Variants in NAA25 observed in about 807,000 individuals in gnomAD.
NAA25 encodes the protein N-alpha-acetyltransferase 25, NatB auxiliary subunit, also known as N-terminal acetyltransferase B complex subunit NAA25.
A neutral mutation model predicts 132.5 loss-of-function variants in NAA25; 30 were observed. The ratio of observed to expected loss-of-function variants is 0.23; its 90% CI spans 0.17 to 0.31. The LOEUF (loss-of-function observed/expected upper bound fraction) is 0.31, where lower values mean the gene tolerates loss of function less well. Among genes scored for constraint, NAA25 ranks in the 10% least tolerant of loss-of-function variants. The pLI is 1.00. For synonymous variants in NAA25, 359 were observed against 401.9 expected (o/e 0.89, Z 1.28); for missense variants, 771 against 1,150.4 (o/e 0.67, Z 4.77).
chr12:112,041,948 G>T, intron 20 of NAA25, 91 bp downstream of exon 20: 1 of 708,624 alleles, frequency 1.4e-6, no homozygotes. Context: ...CTTATCTCTG[G>T]GTGATTGGGC....
intron 1 of NAA25, among the ~76,000 whole-genome samples, chr12:112,108,092 G>A (rs1489989247): frequency 1.3e-5 from 2 of 151,742 alleles, no homozygotes; most frequent in Non-Finnish European, 2.9e-5. Flanking sequence ...GCTATTTTAG[G>A]CCCAAGACCC....
Position 112,090,810 on chromosome 12 carries a change from G to A in NAA25, c.199C>T (p.Leu67Phe). Residue 67 changes from leucine (L) to phenylalanine (F), a missense_variant, in exon 3 of 24, where the codon CTT becomes TTT. Leu to Phe is a conservative substitution (Grantham distance 22). Around this residue, in one of 3 missense-constraint regions of NAA25, gnomAD observed 417 missense variants for 733.8 expected, o/e 0.57. Transcript: ENST00000261745. ...RTGKQEEAFT[L>F]AQEVAALEPT... is the part of the protein sequence containing the mutation. ...TCAAGGGCTGCCACCTCCTGTGCAA[G>A]AGTAAAGGCTTCCTCTTGCTTTCCA... The A allele has an allele frequency of 6.2e-7, 1 of 1,614,008 alleles. No individual in the cohort carries two copies. The highest frequency in any genetic ancestry group is 8.5e-7 in the Non-Finnish European group (1 of 1,179,916).
intron 1 of NAA25, among the ~76,000 whole-genome samples, chr12:112,100,336 G>C (rs2079274987): frequency 6.6e-6 from 1 of 151,936 alleles, no homozygotes; most frequent in African/African-American, 2.4e-5. Context: ...TAATTTTTTT[G>C]TATTTTAGTA....
Position 112,029,337 on chromosome 12 carries a change from C to G in NAA25, c.*194G>C. The G allele has an allele frequency of 2.5e-6, 2 of 815,720 alleles. No homozygotes were observed. Among genetic ancestry groups the G allele is most frequent in the Non-Finnish European group, 3.6e-6 (2 of 551,892 alleles). 50.5% of individuals were successfully genotyped at this position (815,720 alleles called of 1,614,324 possible). A position where few individuals can be genotyped will look rare whatever the true frequency, so the allele number is the denominator to read the frequency against. On this transcript the variant is annotated 3_prime_UTR_variant, in exon 24 of 24. Coordinates refer to ENST00000261745, the MANE Select transcript of NAA25 (RefSeq NM_024953.4). Reference sequence around the variant, plus strand: ...AGTGGTCAAACCCAGATGAGGGTCCCGCTTCTGGTTTATATACAATAATTT... The same window carrying G: ...AGTGGTCAAACCCAGATGAGGGTCCGGCTTCTGGTTTATATACAATAATTT...
At chr12:112,092,521 G>A (rs1405423146) in intron 2 of NAA25, among the ~76,000 whole-genome samples, 1 of 152,174 alleles carries the variant, frequency 6.6e-6, no homozygotes, top group East Asian at 1.9e-4. Context: ...CAACTACGCA[G>A]GAGGCTAAAG....
At chr12:112,071,830 TAATG>T in intron 10 of NAA25, 61 bp downstream of exon 10, 1 of 1,171,716 alleles carries the variant, frequency 8.5e-7, no homozygotes, top group East Asian at 2.7e-5. Context: ...AGATCTCAAC[TAATG>T]AATATAGCAC....
At chr12:112,070,641 G>A (rs1391735782) in intron 10 of NAA25, among the ~76,000 whole-genome samples, 4 of 151,926 alleles carry the variant, frequency 2.6e-5, no homozygotes, top group African/African-American at 7.3e-5. Flanking sequence ...GCGGTGGCGC[G>A]ATCTTGGCTA....
intron 9 of NAA25, 46 bp downstream of exon 9, chr12:112,074,629 C>T: frequency 3.5e-6 from 4 of 1,151,776 alleles, no homozygotes; most frequent in East Asian, 2.5e-5. Context: ...TTTCACTACA[C>T]TATATTAAAA....
At chr12:112,074,612 G>T in intron 9 of NAA25, 63 bp downstream of exon 9, 1 of 901,764 alleles carries the variant, frequency 1.1e-6, no homozygotes, top group Non-Finnish European at 1.7e-6. Context: ...GGCTTATAAT[G>T]AAATCCTTTC....
intron 9 of NAA25, among the ~76,000 whole-genome samples, chr12:112,074,006 G>A (rs986573697): frequency 5.3e-5 from 8 of 152,010 alleles, no homozygotes; most frequent in South Asian, 4.2e-4. Flanking sequence ...GTTGCAAATC[G>A]TGTCTAATAC....
chr12:112,047,688 A>G lies in NAA25; in HGVS notation c.1983T>C (p.Phe661=). ...DLRDNRDLNV[F]FSWDPKDRDV... ...ACCTGTCTTTTGGATCCCAGCTGAA[A>G]AAAACATTTAAGTCTCTGTTGTCTC... is the stretch of plus-strand genomic sequence containing the variant. The change falls in exon 17 of 24, where the codon TTT becomes TTC. Residue 661 remains phenylalanine, a synonymous_variant. Transcript: ENST00000261745. The G allele has an allele frequency of 6.2e-7, 1 of 1,613,514 alleles. No homozygotes were observed. Among genetic ancestry groups the G allele is most frequent in the Non-Finnish European group, 8.5e-7 (1 of 1,179,866 alleles).
chr12:112,033,393 T>TA lies in NAA25; in HGVS notation c.2650-15dup, dbSNP rs749986993. The TA allele has an allele frequency of 1.3e-6, 2 of 1,589,758 alleles. No homozygotes were observed. Among genetic ancestry groups the TA allele is most frequent in the Non-Finnish European group, 1.7e-6 (2 of 1,172,226 alleles). On this transcript the variant is annotated splice_polypyrimidine_tract_variant and intron_variant, in intron 22 of 23. Coordinates refer to ENST00000261745, the MANE Select transcript of NAA25 (RefSeq NM_024953.4). ...AAAGACAGGTGGCTGGGAAAAAGAT[T>TA]AAAAAAGAGTTGAAACATTATCAAA... is the stretch of plus-strand genomic sequence containing the variant.
chr12:112,063,103 G>T (rs1244126431), intron 11 of NAA25, among the ~76,000 whole-genome samples: 1 of 151,458 alleles, frequency 6.6e-6, no homozygotes, highest in African/African-American at 2.4e-5. Context: ...AATGAGAGAT[G>T]ACAGCAAATA....
chr12:112,072,637 A>T (rs1046267299), intron 9 of NAA25, among the ~76,000 whole-genome samples: 1 of 147,346 alleles, frequency 6.8e-6, no homozygotes, highest in Admixed American at 6.9e-5. Flanking sequence ...AGAAAAAAAA[A>T]TTGCCTAATA....
rs567775656 is a variant in NAA25 at position 112,035,961 on chromosome 12, T to C, written c.2650-2582A>G. 3.9e-5 allele frequency among the ~76,000 whole-genome samples: 6 copies of C among 152,292 alleles called. No homozygotes were observed. In the South Asian group the frequency reaches 1.0e-3, roughly 26 times the overall value. On this transcript the variant is annotated intron_variant, in intron 22 of 23. Coordinates refer to ENST00000261745, the MANE Select transcript of NAA25 (RefSeq NM_024953.4). ...TTGGCCTCCCCAAATGCTGGGATTA[T>C]AGGTGTGAACCGCAGCACCCAGCCA...
intron 1 of NAA25, among the ~76,000 whole-genome samples, chr12:112,102,284 G>A (rs2079306257): frequency 6.6e-6 from 1 of 152,046 alleles, no homozygotes; most frequent in Non-Finnish European, 1.5e-5. Context: ...GAGGCGGGAG[G>A]ATCACTTGAG....
Position 112,027,406 on chromosome 12 carries a change from TAA to T in NAA25, c.*2123_*2124del, listed in dbSNP as rs2078099752. 6.6e-6 allele frequency: 1 copy of T among 152,642 alleles called. No homozygotes were observed. Among genetic ancestry groups the T allele is most frequent in the Admixed American group, 6.5e-5 (1 of 15,280 alleles). The allele number at this position is 152,642 out of a possible 1,614,324, so 9.5% of individuals were successfully genotyped here. A position where few individuals can be genotyped will look rare whatever the true frequency, so the allele number is the denominator to read the frequency against. On this transcript the variant is annotated 3_prime_UTR_variant, in exon 24 of 24. Transcript: ENST00000261745. ...ATAAGAGATATTGGCCATTTCTGCA[TAA>T]TTTCATTCTTTTTACAATTATCTCA...
At chr12:112,042,953 T>C (rs1217453249) in intron 19 of NAA25, 135 bp downstream of exon 19, 7 of 750,698 alleles carry the variant, frequency 9.3e-6, no homozygotes, top group South Asian at 2.7e-5. Flanking sequence ...TCTCATACAC[T>C]ACACCACACA....
intron 21 of NAA25, chr12:112,040,173 C>A: frequency 4.9e-6 from 1 of 204,634 alleles, no homozygotes; most frequent in Non-Finnish European, 9.7e-6. Flanking sequence ...AGGAATTAAA[C>A]TACATAATAA....
Sources: gnomAD v4.1 joint callset for allele counts (sites outside exome capture counted in the v4.1 genomes callset) on GRCh38, gnomAD v4.1.1 for gene constraint, gnomAD v4.1.1 regional missense constraint, MANE v1.5 for transcripts, NCBI Gene and HGNC (gene_info 2026-07-23, HGNC 2026-07-21) for gene names.